The following PTGFRN variants were observed in gnomAD, a reference collection of about 807,000 sequenced individuals.
The protein encoded by PTGFRN is prostaglandin F2 receptor negative regulator.
Under a neutral mutation model 83.2 loss-of-function variants are expected in PTGFRN, and 35 were observed. The ratio of observed to expected loss-of-function variants is 0.42; its 90% CI spans 0.32 to 0.56. The LOEUF is 0.56. PTGFRN is among the 20% of genes least tolerant of loss of function. The pLI is 0.11. For synonymous variants in PTGFRN, 519 were observed against 498.6 expected, an observed-to-expected ratio of 1.04 and a Z score of -0.55; for missense variants, 1,051 against 1,179.5, an observed-to-expected ratio of 0.89 and a Z score of 1.60.
At chr1:116,929,800 G>A (rs912231183) in intron 1 of PTGFRN, among the ~76,000 whole-genome samples, 2 of 152,206 alleles carry the variant, frequency 1.3e-5, no homozygotes, top group Admixed American at 1.3e-4. Flanking sequence ...TGCCTAGAAG[G>A]TGCTTTGGGG....
chr1:116,957,999 T>A (rs1650545426), intron 4 of PTGFRN, among the ~76,000 whole-genome samples: 1 of 152,226 alleles, frequency 6.6e-6, no homozygotes, highest in African/African-American at 2.4e-5. Context: ...ATACCATATT[T>A]TTTTAATCCA....
intron 5 of PTGFRN, among the ~76,000 whole-genome samples, chr1:116,962,081 G>T (rs1044842505): frequency 6.6e-6 from 1 of 152,184 alleles, no homozygotes; most frequent in Admixed American, 6.5e-5. Context: ...GCCTAGAGGT[G>T]TGGGGCAGGT....
chr1:116,944,974 G>C lies in PTGFRN; in HGVS notation c.714G>C (p.Leu238=), dbSNP rs1227001464. 3.1e-6 allele frequency: 5 copies of C among 1,613,810 alleles called. No homozygotes were observed. The highest frequency in any genetic ancestry group is 1.7e-5 in the Admixed American group (1 of 60,028). The change falls in exon 3 of 9, where the codon CTG becomes CTC. Residue 238 remains leucine (L), a synonymous_variant. Transcript: ENST00000393203. ...DAYRLSVSRA[L]SADQGSYRCI... The stretch of plus-strand genomic sequence containing the variant: ...ACCGCCTCTCAGTGTCCCGGGCTCT[G>C]TCTGCCGACCAGGGCTCCTACAGGT...
chr1:116,921,717 A>G (rs527740141), intron 1 of PTGFRN, among the ~76,000 whole-genome samples: 3 of 152,254 alleles, frequency 2.0e-5, no homozygotes, highest in Middle Eastern at 3.4e-3. Context: ...CCAAAATGGA[A>G]TGGAACCAGT....
At chr1:116,986,350 A>G (rs551513195) in intron 8 of PTGFRN, among the ~76,000 whole-genome samples, 1 of 152,320 alleles carries the variant, frequency 6.6e-6, no homozygotes, top group Admixed American at 6.5e-5. Flanking sequence ...CAGGGGAGTG[A>G]TTATTCACTT....
chr1:116,956,814 A>G (rs1164584892), intron 4 of PTGFRN, among the ~76,000 whole-genome samples: 3 of 152,166 alleles, frequency 2.0e-5, no homozygotes, highest in African/African-American at 7.2e-5. Context: ...AGAGGGAGTG[A>G]GGGCCAGGGT....
chr1:116,910,547 A>C (rs1436679096), intron 1 of PTGFRN, among the ~76,000 whole-genome samples: 2 of 151,840 alleles, frequency 1.3e-5, no homozygotes, highest in East Asian at 1.9e-4. Flanking sequence ...TCTTTCCCCC[A>C]GGTCTCCCTA....
intron 6 of PTGFRN, among the ~76,000 whole-genome samples, chr1:116,972,169 C>G (rs1376486777): frequency 2.0e-5 from 3 of 152,258 alleles, no homozygotes; most frequent in South Asian, 4.2e-4. Flanking sequence ...GTATAAGGCC[C>G]GAGGGAGCCA....
rs759438846 is a variant in PTGFRN at position 116,974,322 on chromosome 1, A to G, written c.2166A>G (p.Pro722=). 4 of 1,595,716 alleles carry G rather than the reference A, an allele frequency of 2.5e-6. No homozygotes were observed. The highest frequency in any genetic ancestry group is 3.4e-6 in the Non-Finnish European group (4 of 1,163,524). Residue 722 remains proline (P), a splice_region_variant and synonymous_variant, in exon 7 of 9, where the codon CCA becomes CCG. Coordinates refer to ENST00000393203, the MANE Select transcript of PTGFRN (RefSeq NM_020440.4). The stretch of plus-strand genomic sequence containing the variant: ...CTGTCGAGGGAGCAGCACTGGATCC[A>G]GGTACCTCACTCCATCCTCACCCCT... ...IITVEGAALD[P]DDMAFDVSWF...
intron 8 of PTGFRN, among the ~76,000 whole-genome samples, chr1:116,985,450 G>A (rs1212861745): frequency 6.6e-6 from 1 of 152,122 alleles, no homozygotes; most frequent in Non-Finnish European, 1.5e-5. Context: ...TGTAACCCCA[G>A]CACTTTGGGA....
At chr1:116,951,677 CT>C (rs201624390) in intron 4 of PTGFRN, among the ~76,000 whole-genome samples, 4,663 of 151,570 alleles carry the variant, frequency 0.031, 88 homozygotes, top group African/African-American at 0.042. Flanking sequence ...TTTTTTCTTC[CT>C]CTTAAGACTT....
Position 116,952,662 on chromosome 1 carries a change from TCTC to T in PTGFRN, c.1213+3094_1213+3096del, listed in dbSNP as rs1381401452. On this transcript the variant is annotated intron_variant, in intron 4 of 8. Transcript: ENST00000393203. The surrounding 1 kb of genome is among the most constrained non-coding windows in gnomAD (Gnocchi z 4.0). ...AAAAAAAAAGATGTGATTATACAGT[TCTC>T]CTCTGAGGAAGGAAAACATTAACTC... Among the ~76,000 whole-genome samples the T allele has an allele frequency of 6.6e-6, 1 of 152,178 alleles. No homozygotes were observed. The highest frequency in any genetic ancestry group is 6.5e-5 in the Admixed American group (1 of 15,272).
chr1:116,956,986 G>A (rs1350915097), intron 4 of PTGFRN, among the ~76,000 whole-genome samples: 2 of 152,180 alleles, frequency 1.3e-5, no homozygotes, highest in African/African-American at 4.8e-5. Flanking sequence ...AAGGGAGAGC[G>A]TTGAAGATGG....
At chr1:116,913,413 G>A (rs181282586) in intron 1 of PTGFRN, among the ~76,000 whole-genome samples, 51 of 150,658 alleles carry the variant, frequency 3.4e-4, no homozygotes, top group Admixed American at 2.6e-3. Context: ...GGGAGGAGGA[G>A]GAAATAATGG....
chr1:116,934,543 C>T (rs1037434493), intron 1 of PTGFRN, among the ~76,000 whole-genome samples: 3 of 151,730 alleles, frequency 2.0e-5, no homozygotes, highest in Non-Finnish European at 4.4e-5. Flanking sequence ...TCTAAAATTT[C>T]AATTTGATTG....
At chr1:116,915,782 A>T (rs942518313) in intron 1 of PTGFRN, among the ~76,000 whole-genome samples, 2 of 152,242 alleles carry the variant, frequency 1.3e-5, no homozygotes, top group African/African-American at 4.8e-5. Context: ...AGTTGGAAGG[A>T]TGCTGTCCAG....
chr1:116,910,023 C>A lies in PTGFRN; in HGVS notation c.-181C>A. 1 of 705,668 alleles carries A rather than the reference C, an allele frequency of 1.4e-6. No homozygotes were observed. The highest frequency in any genetic ancestry group is 2.4e-6 in the Non-Finnish European group (1 of 413,160). The allele number at this position is 705,668 out of a possible 1,614,324, so 43.7% of individuals were successfully genotyped here. ...AGGGAAGGAGGCGGGAGGGAGCGAG[C>A]GGAGCCAGGGGCGCACGTACGCCCC... On this transcript the variant is annotated 5_prime_UTR_variant, in exon 1 of 9. Coordinates refer to ENST00000393203, the MANE Select transcript of PTGFRN (RefSeq NM_020440.4).
In PTGFRN at chr1:116,988,302, T is replaced by G. The variant is rs1323668705; in HGVS notation, c.*1335T>G. The stretch of plus-strand genomic sequence containing the variant: ...TAGAGCAGAGTCAAGAGCGGTGTGC[T>G]TTGCCCGACTGCTCCCATCAGGAAT... On this transcript the variant is annotated 3_prime_UTR_variant, in exon 9 of 9. Coordinates refer to ENST00000393203, the MANE Select transcript of PTGFRN (RefSeq NM_020440.4). The G allele has an allele frequency of 6.6e-6, 1 of 152,382 alleles. No individual in the cohort carries two copies. Among genetic ancestry groups the G allele is most frequent in the Non-Finnish European group, 1.5e-5 (1 of 68,040 alleles). The allele number at this position is 152,382 out of a possible 1,614,324, so 9.4% of individuals were successfully genotyped here. A position where few individuals can be genotyped will look rare whatever the true frequency, so the allele number is the denominator to read the frequency against.
At chr1:116,933,365 A>G (rs1649845217) in intron 1 of PTGFRN, among the ~76,000 whole-genome samples, 1 of 151,862 alleles carries the variant, frequency 6.6e-6, no homozygotes, top group Non-Finnish European at 1.5e-5. Flanking sequence ...ATAATGAAAG[A>G]CCTTACAACA....
Sources: gnomAD v4.1 joint callset for allele counts (sites outside exome capture counted in the v4.1 genomes callset) on GRCh38, gnomAD v4.1.1 for gene constraint, Gnocchi (gnomAD v3.1) non-coding constraint, MANE v1.5 for transcripts, NCBI Gene and HGNC (gene_info 2026-07-23, HGNC 2026-07-21) for gene names.